MAML3: variants seen among roughly 807,000 people sequenced by gnomAD.
The protein encoded by MAML3 is mastermind-like protein 3.
MAML3 carries 27 observed loss-of-function variants against 101.9 expected under a neutral mutation model. The ratio of observed to expected loss-of-function variants is 0.27; its 90% CI spans 0.20 to 0.37. The LOEUF is 0.37. Ranked by LOEUF, MAML3 falls within the 10% of genes least tolerant of loss-of-function variation. MAML3 has a pLI of 1.00. For synonymous variants in MAML3, 501 were observed against 555.9 expected, an observed-to-expected ratio of 0.90 and a Z score of 1.39; for missense variants, 1,316 against 1,444.9, an observed-to-expected ratio of 0.91 and a Z score of 1.45.
At chr4:140,025,737 C>T (rs928131705) in intron 1 of MAML3, among the ~76,000 whole-genome samples, 3 of 152,192 alleles carry the variant, frequency 2.0e-5, no homozygotes, top group Non-Finnish European at 2.9e-5. Context: ...TATACTGTTG[C>T]CACTTTCGAC....
At position 139,730,660 on chromosome 4, in the gene MAML3, T is replaced by C; in HGVS notation, c.2087A>G (p.His696Arg). 6.2e-7 allele frequency: 1 copy of C among 1,611,754 alleles called. No individual in the cohort carries two copies. The highest frequency in any genetic ancestry group is 8.5e-7 in the Non-Finnish European group (1 of 1,178,710). Residue 696 changes from histidine to arginine, a missense_variant, in exon 3 of 5, where the codon CAT becomes CGT. By Grantham distance (29) the His-to-Arg change is conservative. Coordinates refer to ENST00000509479, the MANE Select transcript of MAML3 (RefSeq NM_018717.5). ...AALPSHGQEQHPVGLPRTTGP... is the reference protein window; with the variant it reads ...AALPSHGQEQRPVGLPRTTGP... ...TGTGGTTCGGGGAAGTCCAACTGGA[T>C]GCTGCTCCTGGGAAGACAAGAGAGA... is the stretch of plus-strand genomic sequence containing the variant.
At chr4:139,888,451 A>AG in intron 2 of MAML3, 1 of 488,562 alleles carries the variant, frequency 2.0e-6, no homozygotes, top group Non-Finnish European at 4.1e-6. Flanking sequence ...CATGTAGGGC[A>AG]GGGGGAGTCG....
intron 1 of MAML3, among the ~76,000 whole-genome samples, chr4:140,147,613 T>C (rs1464431434): frequency 6.6e-6 from 1 of 152,212 alleles, no homozygotes; most frequent in East Asian, 1.9e-4. Context: ...TTTGGGAGAC[T>C]TAAAAGGTAG....
chr4:139,965,330 C>A (rs1160224876), intron 1 of MAML3, among the ~76,000 whole-genome samples: 2 of 151,898 alleles, frequency 1.3e-5, no homozygotes, highest in African/African-American at 4.8e-5. Flanking sequence ...AGAGTTGAAC[C>A]TTTCCATTTT....
At chr4:140,085,445 C>T (rs988953888) in intron 1 of MAML3, among the ~76,000 whole-genome samples, 4 of 152,168 alleles carry the variant, frequency 2.6e-5, no homozygotes, top group African/African-American at 9.7e-5. Context: ...TTACCTGAAT[C>T]ACACTGTGCA....
chr4:139,949,611 A>AACATAATTGTG (rs1733799159), intron 1 of MAML3, among the ~76,000 whole-genome samples: 1 of 152,232 alleles, frequency 6.6e-6, no homozygotes, highest in African/African-American at 2.4e-5. Flanking sequence ...TGTACTTTTA[A>AACATAATTGTG]TTTACAAACA....
Position 140,091,537 on chromosome 4 carries a change from C to CAAAAAAAAAAAAAAAAAAAAAAA in MAML3, c.468+61322_468+61323insTTTTTTTTTTTTTTTTTTTTTTT, listed in dbSNP as rs570700966. ...TGTAAAACAAAACAAAACAACAAAA[C>CAAAAAAAAAAAAAAAAAAAAAAA]AAAAACAAAACAAAAAAAAAAAACA... On this transcript the variant is annotated intron_variant, in intron 1 of 4. Transcript: ENST00000509479. 2.8e-5 allele frequency among the ~76,000 whole-genome samples: 2 copies of CAAAAAAAAAAAAAAAAAAAAAAA among 71,598 alleles called. 1 individual carries two copies. The highest frequency in any genetic ancestry group is 3.5e-4 in the Admixed American group (2 of 5,706). The allele number at this position is 71,598 out of a possible 152,430, so 47.0% of individuals were successfully genotyped here. A position where few individuals can be genotyped will look rare whatever the true frequency, so the allele number is the denominator to read the frequency against.
chr4:139,995,517 C>T (rs1414633095), intron 1 of MAML3, among the ~76,000 whole-genome samples: 2 of 152,106 alleles, frequency 1.3e-5, no homozygotes, highest in African/African-American at 4.8e-5. Flanking sequence ...GATTTCCTTA[C>T]TTATTATAGT....
At chr4:139,955,435 A>G (rs181071712) in intron 1 of MAML3, among the ~76,000 whole-genome samples, 1 of 152,228 alleles carries the variant, frequency 6.6e-6, no homozygotes, top group East Asian at 1.9e-4. Flanking sequence ...AGAAACCCCA[A>G]ATTTTAAAAG....
chr4:139,992,442 G>A (rs1418288729), intron 1 of MAML3, among the ~76,000 whole-genome samples: 1 of 152,096 alleles, frequency 6.6e-6, no homozygotes, highest in Non-Finnish European at 1.5e-5. Context: ...TTCCCAAAAC[G>A]GCTGTGCCAT....
At chr4:139,790,470 G>A (rs1039049724) in intron 2 of MAML3, among the ~76,000 whole-genome samples, 20 of 151,276 alleles carry the variant, frequency 1.3e-4, no homozygotes, top group African/African-American at 3.6e-4. Flanking sequence ...ACGATGTTGC[G>A]CAACATCACC....
chr4:140,039,878 C>A (rs1013691402), intron 1 of MAML3, among the ~76,000 whole-genome samples: 1 of 152,172 alleles, frequency 6.6e-6, no homozygotes, highest in Admixed American at 6.5e-5. Context: ...CTTATCCCTA[C>A]CCCTCAAGAA....
chr4:139,805,737 A>T (rs1261886750), intron 2 of MAML3, among the ~76,000 whole-genome samples: 8 of 152,182 alleles, frequency 5.3e-5, no homozygotes, highest in Non-Finnish European at 8.8e-5. Context: ...AATTTAATAA[A>T]TTTTTTATAG....
At chr4:139,980,881 G>A (rs1311253257) in intron 1 of MAML3, among the ~76,000 whole-genome samples, 1 of 152,222 alleles carries the variant, frequency 6.6e-6, no homozygotes, top group African/African-American at 2.4e-5. Context: ...AGCTACTGCG[G>A]TAGAGAATTG....
intron 2 of MAML3, among the ~76,000 whole-genome samples, chr4:139,760,070 A>G (rs1729725650): frequency 6.6e-6 from 1 of 152,258 alleles, no homozygotes; most frequent in Admixed American, 6.5e-5. Flanking sequence ...AAAACAGTGC[A>G]TAGAAGTCAA....
At chr4:140,077,989 A>G (rs1475426276) in intron 1 of MAML3, among the ~76,000 whole-genome samples, 2 of 151,798 alleles carry the variant, frequency 1.3e-5, no homozygotes, top group East Asian at 1.9e-4. Flanking sequence ...ATGCACTCCA[A>G]CCTGGCAACA....
chr4:139,794,296 T>C (rs1339507415), intron 2 of MAML3: 42 of 152,138 alleles, frequency 2.8e-4, no homozygotes, highest in Admixed American at 2.7e-3. Flanking sequence ...GCTCTTCTTC[T>C]CTCTATACAG....
At chr4:139,800,889 G>GT (rs1730592349) in intron 2 of MAML3, among the ~76,000 whole-genome samples, 1 of 152,236 alleles carries the variant, frequency 6.6e-6, no homozygotes, top group Non-Finnish European at 1.5e-5. Context: ...TATCCGTGAT[G>GT]TTTCTGGCCC....
At chr4:139,742,110 A>G (rs1729184098) in intron 2 of MAML3, among the ~76,000 whole-genome samples, 2 of 151,744 alleles carry the variant, frequency 1.3e-5, no homozygotes, top group Admixed American at 1.3e-4. Flanking sequence ...ACAATGAGAA[A>G]TCATCCTCTC....
Sources: gnomAD v4.1 joint callset for allele counts (sites outside exome capture counted in the v4.1 genomes callset) on GRCh38, gnomAD v4.1.1 for gene constraint, MANE v1.5 for transcripts, NCBI Gene and HGNC (gene_info 2026-07-23, HGNC 2026-07-21) for gene names.